RICTOR: variants seen among roughly 807,000 people sequenced by gnomAD.
RICTOR encodes rapamycin-insensitive companion of mTOR.
A neutral mutation model predicts 214.9 loss-of-function variants in RICTOR; 49 were observed. The observed-to-expected ratio is 0.23, with a 90% confidence interval of 0.18 to 0.29. The LOEUF is 0.29. Among genes scored for constraint, RICTOR ranks in the 10% least tolerant of loss-of-function variants. RICTOR has a pLI of 1.00. For missense variants in RICTOR, 1,625 were observed against 2,047.0 expected (o/e 0.79, Z 3.98); for synonymous variants, 717 against 711.3 (o/e 1.01, Z -0.13).
chr5:38,981,939 T>C lies in RICTOR; in HGVS notation c.681A>G (p.Leu227=). The change falls in exon 8 of 38, where the codon CTA becomes CTG. Residue 227 remains leucine, a synonymous_variant. Coordinates refer to ENST00000357387, the MANE Select transcript of RICTOR (RefSeq NM_152756.5). ...TAAGAAGGTGCAAAATTGTAGTAAT[T>C]AGGGCCTCATTTATTCGACTTAATT... ...DCQLSRINEA[L]ITTILHLLNH... is the part of the protein sequence containing the mutation. The C allele has an allele frequency of 6.2e-7, 1 of 1,613,158 alleles. No individual in the cohort carries two copies. Among genetic ancestry groups the C allele is most frequent in the Non-Finnish European group, 8.5e-7 (1 of 1,179,156 alleles).
At chr5:38,942,723 TG>T (rs2112783069) in intron 37 of RICTOR, 109 bp downstream of exon 37, 1 of 862,604 alleles carries the variant, frequency 1.2e-6, no homozygotes, top group South Asian at 1.6e-5. Context: ...CACAAAGTGC[TG>T]GGATTGTAGG....
Position 38,958,718 on chromosome 5 carries a change from T to C in RICTOR, c.2292A>G (p.Lys764=), listed in dbSNP as rs781249584. The change falls in exon 23 of 38, where the codon AAA becomes AAG. Residue 764 remains lysine, a synonymous_variant. Transcript: ENST00000357387. ...LLVTQLHDKN[K]TISSEALDIL... is the part of the protein sequence containing the mutation. ...TATCAAGAGCTTCAGAGGAAATCGTTTTGTTTTTATCATGTAGCTGGGTCA... is the reference window on the plus strand; with the variant it reads ...TATCAAGAGCTTCAGAGGAAATCGTCTTGTTTTTATCATGTAGCTGGGTCA... The C allele has an allele frequency of 6.2e-7, 1 of 1,612,140 alleles. No individual in the cohort carries two copies. The highest frequency in any genetic ancestry group is 1.3e-5 in the African/African-American group (1 of 74,944).
intron 6 of RICTOR, among the ~76,000 whole-genome samples, chr5:38,993,380 T>G (rs1186738056): frequency 6.6e-6 from 1 of 151,500 alleles, no homozygotes; most frequent in Non-Finnish European, 1.5e-5. Context: ...AAGAAAAGAA[T>G]AGTAGTAACT....
chr5:38,994,104 G>T (rs1752982567), intron 6 of RICTOR, among the ~76,000 whole-genome samples: 1 of 151,826 alleles, frequency 6.6e-6, no homozygotes, highest in Non-Finnish European at 1.5e-5. Flanking sequence ...GCAGGAGAAT[G>T]GCTTGAACCC....
rs899481938 is a variant in RICTOR, at chr5:38,939,513, A to G, written c.*2791T>C. On this transcript the variant is annotated 3_prime_UTR_variant, in exon 38 of 38. Coordinates refer to ENST00000357387, the MANE Select transcript of RICTOR (RefSeq NM_152756.5). ...GAAATAAAAGTATAGGAAATTTTAG[A>G]GCATATTTAATTATGAATACTAAAT... 1.3e-5 allele frequency: 3 copies of G among 231,988 alleles called. No homozygotes were observed. Among genetic ancestry groups the G allele is most frequent in the African/African-American group, 6.6e-5 (3 of 45,286 alleles). The allele number at this position is 231,988 out of a possible 1,614,324, so 14.4% of individuals were successfully genotyped here.
At chr5:39,051,038 TATATACACAC>T (rs1343654205) in intron 2 of RICTOR, among the ~76,000 whole-genome samples, 4 of 98,314 alleles carry the variant, frequency 4.1e-5, no homozygotes, top group Non-Finnish European at 6.9e-5. Context: ...CCCATACATA[TATATACACAC>T]ACACACACAC....
At chr5:39,055,425 C>CG (rs967617423) in intron 2 of RICTOR, among the ~76,000 whole-genome samples, 2 of 129,048 alleles carry the variant, frequency 1.5e-5, no homozygotes, top group Non-Finnish European at 3.3e-5. Context: ...ATTCCCCCCC[C>CG]CCACTCTTTT....
chr5:38,988,926 T>C (rs1028819607), intron 7 of RICTOR, among the ~76,000 whole-genome samples: 1 of 152,082 alleles, frequency 6.6e-6, no homozygotes, highest in Non-Finnish European at 1.5e-5. Context: ...ATCGTGAAAA[T>C]GGCCATACTG....
intron 11 of RICTOR, among the ~76,000 whole-genome samples, chr5:38,968,662 G>T (rs566318778): frequency 6.6e-6 from 1 of 151,016 alleles, no homozygotes; most frequent in South Asian, 2.1e-4. Flanking sequence ...CACTTGAGTC[G>T]AGGAGTTCGA....
intron 4 of RICTOR, 50 bp from the exon 5 acceptor site, chr5:39,002,716 C>T: frequency 6.5e-7 from 1 of 1,544,178 alleles, no homozygotes; most frequent in Non-Finnish European, 8.7e-7. Context: ...GTTTCAAATA[C>T]ACACAAAATT....
chr5:39,021,104 T>C lies in RICTOR; in HGVS notation c.130A>G (p.Asn44Asp), dbSNP rs751784836. 6.3e-7 allele frequency: 1 copy of C among 1,599,746 alleles called. No individual in the cohort carries two copies. The highest frequency in any genetic ancestry group is 1.3e-5 in the African/African-American group (1 of 74,728). The change falls in exon 3 of 38, where the codon AAT (asparagine) becomes GAT (aspartate). Residue 44 changes from asparagine (N) to aspartate (D), a missense_variant. Asn to Asp is a conservative substitution (Grantham distance 23). This residue lies in a region of RICTOR where 71 missense variants were observed against 57.9 expected (regional missense o/e 1.23). Coordinates refer to ENST00000357387, the MANE Select transcript of RICTOR (RefSeq NM_152756.5). Reference sequence around the variant, plus strand: ...GATACTCCCTGCAATCTGGCCACATTTTGGAGAATCTCTCTTAAGTTATCA... The same window carrying C: ...GATACTCCCTGCAATCTGGCCACATCTTGGAGAATCTCTCTTAAGTTATCA... ...PSDNLREILQ[N>D]VARLQGVSNM...
chr5:39,067,863 A>G (rs934438465), intron 2 of RICTOR, among the ~76,000 whole-genome samples: 4 of 152,206 alleles, frequency 2.6e-5, no homozygotes, highest in Non-Finnish European at 4.4e-5. Context: ...ATACTGTACT[A>G]TTCTTTTTCC....
intron 7 of RICTOR, among the ~76,000 whole-genome samples, chr5:38,984,926 T>C (rs747761193): frequency 1.3e-5 from 2 of 152,130 alleles, no homozygotes; most frequent in African/African-American, 2.4e-5. Flanking sequence ...TTCAAGCGAT[T>C]CTCCTGCCTC....
At chr5:39,017,936 A>T (rs1755091514) in intron 3 of RICTOR, among the ~76,000 whole-genome samples, 1 of 152,136 alleles carries the variant, frequency 6.6e-6, no homozygotes, top group Non-Finnish European at 1.5e-5. Context: ...ATTTTCAAAC[A>T]AGCTTCAAGG....
At chr5:38,988,719 A>G (rs1299520300) in intron 7 of RICTOR, among the ~76,000 whole-genome samples, 1 of 152,088 alleles carries the variant, frequency 6.6e-6, no homozygotes, top group Non-Finnish European at 1.5e-5. Flanking sequence ...CCTATACACC[A>G]ATAATAGACA....
At position 38,990,930 on chromosome 5, in the gene RICTOR, A is replaced by T. The variant is rs1752729932; in HGVS notation, c.583+19T>A. The T allele has an allele frequency of 6.4e-7, 1 of 1,556,024 alleles. No homozygotes were observed. Among genetic ancestry groups the T allele is most frequent in the East Asian group, 2.3e-5 (1 of 43,668 alleles). ...CTTTCTAAAATATTACATTTTCATT[A>T]CTTGAAGAAAATTCTGACCTAGTTC... On this transcript the variant is annotated intron_variant, in intron 7 of 37. Transcript: ENST00000357387.
chr5:38,984,889 G>A (rs184087824), intron 7 of RICTOR, among the ~76,000 whole-genome samples: 115 of 152,040 alleles, frequency 7.6e-4, no homozygotes, highest in Admixed American at 2.4e-3. Flanking sequence ...GCGAGATCTC[G>A]GCTCACTGCA....
rs576470187 is a variant in RICTOR at position 39,058,238 on chromosome 5, C to T, written c.97+15873G>A. On this transcript the variant is annotated intron_variant, in intron 2 of 37. Coordinates refer to ENST00000357387, the MANE Select transcript of RICTOR (RefSeq NM_152756.5). ...TTAAAACTTATTTTAAATCAGGGAA[C>T]ATAAAGAGGTAGCAAGTACAACAAA... 1.8e-3 allele frequency among the ~76,000 whole-genome samples: 267 copies of T among 151,878 alleles called. 2 individuals are homozygous for T. Among genetic ancestry groups the T allele is most frequent in the African/African-American group, 6.1e-3 (255 of 41,468 alleles).
chr5:39,072,720 T>C (rs761933630), intron 2 of RICTOR, among the ~76,000 whole-genome samples: 2 of 152,202 alleles, frequency 1.3e-5, no homozygotes, highest in Non-Finnish European at 2.9e-5. Context: ...CATCTTTCTA[T>C]ACTAATTCTC....
Sources: gnomAD v4.1 joint callset for allele counts (sites outside exome capture counted in the v4.1 genomes callset) on GRCh38, gnomAD v4.1.1 for gene constraint, gnomAD v4.1.1 regional missense constraint, MANE v1.5 for transcripts, NCBI Gene and HGNC (gene_info 2026-07-23, HGNC 2026-07-21) for gene names.